FRMPD4: variants seen among roughly 807,000 people sequenced by gnomAD.
The protein encoded by FRMPD4 is FERM and PDZ domain-containing protein 4.
Under a neutral mutation model 94.1 loss-of-function variants are expected in FRMPD4, and 22 were observed. The observed-to-expected ratio is 0.23, with a 90% CI of 0.17 to 0.33. The LOEUF is 0.33. FRMPD4 is among the 10% of genes least tolerant of loss of function. The pLI, the probability that FRMPD4 is intolerant of heterozygous loss-of-function variation, is 1.00. For synonymous variants in FRMPD4, 631 were observed against 548.6 expected, an observed-to-expected ratio of 1.15 and a Z score of -2.10; for missense variants, 1,111 against 1,339.9, an observed-to-expected ratio of 0.83 and a Z score of 2.67.
At chrX:12,556,876 G>A (rs1288164623) in intron 2 of FRMPD4, among the ~76,000 whole-genome samples, 1 of 111,465 alleles carries the variant, frequency 9.0e-6, no homozygotes, top group African/African-American at 3.3e-5. Flanking sequence ...AGACAGTCTC[G>A]CTGTGTCAAC....
At chrX:12,383,324 T>C (rs987893873) in intron 1 of FRMPD4, among the ~76,000 whole-genome samples, 8 of 111,697 alleles carry the variant, frequency 7.2e-5, no homozygotes, top group African/African-American at 2.6e-4. Context: ...CCCCTGGGGA[T>C]ACTTTGGAAA....
At chrX:12,211,129 T>A (rs2056751727) in intron 1 of FRMPD4, among the ~76,000 whole-genome samples, 1 of 112,288 alleles carries the variant, frequency 8.9e-6, no homozygotes, top group Admixed American at 9.4e-5. Context: ...CTGACTGGCA[T>A]TTTTGCAGTT....
intron 3 of FRMPD4, among the ~76,000 whole-genome samples, chrX:12,112,054 A>G (rs765474802): frequency 8.9e-6 from 1 of 111,995 alleles, no homozygotes; most frequent in East Asian, 2.8e-4. Flanking sequence ...TGACCCAGCC[A>G]TCCCATTACT....
chrX:12,335,963 A>G (rs1046385520), intron 1 of FRMPD4, among the ~76,000 whole-genome samples: 16 of 112,548 alleles, frequency 1.4e-4, no homozygotes, highest in Non-Finnish European at 2.4e-4. Flanking sequence ...AAAGGAATCA[A>G]TGGAGTTGCT....
chrX:11,987,098 TAAAAAAAAAAAAAAAAAA>T (rs35377550), intron 3 of FRMPD4, among the ~76,000 whole-genome samples: 1 of 21,843 alleles, frequency 4.6e-5, no homozygotes, highest in African/African-American at 3.2e-4. Flanking sequence ...AAAGACACAT[TAAAAAAAAAAAAAAAAAA>T]AAAAAAAAAA....
In FRMPD4 at chrX:12,056,748, G is replaced by A. The variant is rs534757213; in HGVS notation, c.95+178730G>A. Among the ~76,000 whole-genome samples, 72 of 111,857 alleles carry A rather than the reference G, an allele frequency of 6.4e-4. No individual in the cohort carries two copies. In the Middle Eastern group the frequency reaches 0.019, roughly 29 times the overall value. ...TATAGATGTGTCCACATCAGTACATGCTGGCAAACTTGTTCTTTGTAATGG... is the reference window on the plus strand; with the variant it reads ...TATAGATGTGTCCACATCAGTACATACTGGCAAACTTGTTCTTTGTAATGG... On this transcript the variant is annotated intron_variant, in intron 3 of 18. Transcript: ENST00000640291.
intron 1 of FRMPD4, among the ~76,000 whole-genome samples, chrX:12,229,466 AC>A (rs2056959948): frequency 9.0e-6 from 1 of 111,394 alleles, no homozygotes; most frequent in Admixed American, 9.5e-5. Flanking sequence ...TTCACTTCTT[AC>A]CCTTCCTACC....
chrX:12,177,661 C>A (rs138961061), intron 1 of FRMPD4, among the ~76,000 whole-genome samples: 203 of 112,329 alleles, frequency 1.8e-3, no homozygotes, highest in African/African-American at 6.4e-3. Context: ...TCTGTGCTGT[C>A]TATGGTGATT....
chrX:11,859,179 A>G (rs773665973), intron 1 of FRMPD4, among the ~76,000 whole-genome samples: 2 of 111,857 alleles, frequency 1.8e-5, no homozygotes, highest in African/African-American at 6.5e-5. Context: ...TTAAAAAATT[A>G]TTCATTTTCT....
intron 3 of FRMPD4, among the ~76,000 whole-genome samples, chrX:11,991,234 T>A (rs1428703393): frequency 8.9e-6 from 1 of 111,815 alleles, no homozygotes; most frequent in Non-Finnish European, 1.9e-5. Flanking sequence ...TGTGCTTGTG[T>A]GAACACCAGG....
At chrX:12,259,701 G>A (rs1489293096) in intron 1 of FRMPD4, among the ~76,000 whole-genome samples, 3 of 111,565 alleles carry the variant, frequency 2.7e-5, no homozygotes, top group East Asian at 5.6e-4. Flanking sequence ...CTATTGGCAC[G>A]CTGAACAGCA....
intron 1 of FRMPD4, among the ~76,000 whole-genome samples, chrX:12,394,176 G>T (rs1412950066): frequency 8.9e-6 from 1 of 111,850 alleles, no homozygotes; most frequent in Non-Finnish European, 1.9e-5. Flanking sequence ...TGCTATCACT[G>T]AGTGACAGCT....
intron 14 of FRMPD4, among the ~76,000 whole-genome samples, chrX:12,713,888 T>C (rs1254506522): frequency 8.9e-6 from 1 of 112,028 alleles, no homozygotes; most frequent in Non-Finnish European, 1.9e-5. Flanking sequence ...AGATATCTAA[T>C]AAGAAACAGC....
chrX:12,355,690 G>A (rs2055884836), intron 1 of FRMPD4, among the ~76,000 whole-genome samples: 1 of 111,693 alleles, frequency 9.0e-6, no homozygotes, highest in African/African-American at 3.3e-5. Context: ...TTCCTCTCCA[G>A]CTTTCTTTTG....
intron 3 of FRMPD4, among the ~76,000 whole-genome samples, chrX:12,094,794 A>C (rs2055184429): frequency 8.9e-6 from 1 of 112,626 alleles, no homozygotes; most frequent in Non-Finnish European, 1.9e-5. Flanking sequence ...TGGAAAAGTG[A>C]TTCTGAGTTC....
At chrX:12,629,382 G>C (rs779748569) in intron 4 of FRMPD4, among the ~76,000 whole-genome samples, 1 of 111,813 alleles carries the variant, frequency 8.9e-6, no homozygotes, top group Non-Finnish European at 1.9e-5. Flanking sequence ...TTGTCCTGCT[G>C]TGTGCTACCC....
intron 4 of FRMPD4, among the ~76,000 whole-genome samples, chrX:12,636,581 A>G (rs1264566554): frequency 8.9e-6 from 1 of 112,208 alleles, no homozygotes; most frequent in Non-Finnish European, 1.9e-5. Context: ...TTCCTCTTCA[A>G]TTATTAGCTG....
At chrX:11,849,922 T>C (rs964660624) in intron 1 of FRMPD4, among the ~76,000 whole-genome samples, 1 of 111,511 alleles carries the variant, frequency 9.0e-6, no homozygotes, top group African/African-American at 3.3e-5. Flanking sequence ...TAAAAATAGA[T>C]AAACCGGATT....
At chrX:12,474,443 C>T (rs1440717545) in intron 1 of FRMPD4, among the ~76,000 whole-genome samples, 2 of 110,958 alleles carry the variant, frequency 1.8e-5, no homozygotes, top group Admixed American at 9.5e-5. Flanking sequence ...TAGCAGAAGG[C>T]AAGAAATAAC....
Sources: allele counts gnomAD v4.1 joint callset (sites outside exome capture counted in the v4.1 genomes callset), GRCh38; gene constraint gnomAD v4.1.1; transcripts MANE v1.5; gene names NCBI Gene and HGNC (gene_info 2026-07-23, HGNC 2026-07-21).